Variants in NOL4L observed in about 807,000 individuals in gnomAD.
NOL4L encodes the protein nucleolar protein 4-like.
Under a neutral mutation model 64.5 loss-of-function variants are expected in NOL4L, and 7 were observed. That is an observed-to-expected ratio of 0.11 (90% CI 0.06 to 0.20). NOL4L has a LOEUF of 0.20. Among genes scored for constraint, NOL4L ranks in the 10% least tolerant of loss-of-function variants. The pLI, the probability that NOL4L is intolerant of heterozygous loss-of-function variation, is 1.00. For synonymous variants in NOL4L, 413 were observed against 401.0 expected, an observed-to-expected ratio of 1.03 and a Z score of -0.36; for missense variants, 680 against 967.1, an observed-to-expected ratio of 0.70 and a Z score of 3.94.
chr20:32,516,404 C>A (rs1435190346), intron 3 of NOL4L, among the ~76,000 whole-genome samples: 2 of 152,074 alleles, frequency 1.3e-5, no homozygotes, highest in African/African-American at 2.4e-5. Flanking sequence ...GGTGCAGTCC[C>A]CAGGCTCAGG....
intron 4 of NOL4L, among the ~76,000 whole-genome samples, chr20:32,478,242 TACAC>T (rs553898145): frequency 0.024 from 3,461 of 145,124 alleles, 113 homozygotes; most frequent in African/African-American, 0.085. Context: ...AGGCTATATT[TACAC>T]ACACACACAC....
chr20:32,527,436 G>A (rs1036847888), intron 2 of NOL4L, among the ~76,000 whole-genome samples: 4 of 152,152 alleles, frequency 2.6e-5, no homozygotes, highest in Non-Finnish European at 5.9e-5. Flanking sequence ...GGCTGCAAGG[G>A]GCTGGGGGTG....
chr20:32,572,070 G>A (rs1215630931), intron 1 of NOL4L, among the ~76,000 whole-genome samples: 1 of 152,202 alleles, frequency 6.6e-6, no homozygotes, highest in Non-Finnish European at 1.5e-5. Flanking sequence ...TCCAAGACCA[G>A]GTAACACCAC....
intron 3 of NOL4L, among the ~76,000 whole-genome samples, chr20:32,518,823 G>A (rs118074910): frequency 2.1e-3 from 313 of 152,346 alleles, no homozygotes; most frequent in Non-Finnish European, 3.1e-3. Flanking sequence ...CCCATCTGCA[G>A]GTACCAAATG....
chr20:32,503,351 TAG>T (rs2017001945), intron 4 of NOL4L, among the ~76,000 whole-genome samples: 1 of 151,950 alleles, frequency 6.6e-6, no homozygotes, highest in Non-Finnish European at 1.5e-5. Context: ...GAGGAGGTAA[TAG>T]ATGGAGCAAA....
intron 4 of NOL4L, chr20:32,475,084 T>C (rs1339505678): frequency 1.0e-6 from 1 of 985,330 alleles, no homozygotes; most frequent in East Asian, 1.1e-4. Flanking sequence ...TGCCGCTCCC[T>C]GCTCTCAGCC....
In NOL4L at chr20:32,453,346, G is replaced by A. The variant is rs2013128454; in HGVS notation, c.1455C>T (p.Tyr485=). ...QERARKRIRT[Y]LKSCRRMKKN... is the part of the protein sequence containing the mutation. The stretch of plus-strand genomic sequence containing the variant: ...TCTTCATGCGACGGCAGGACTTGAG[G>A]TACGTGCGGATGCGCTTGCGGGCCC... The change falls in exon 8 of 11, where the codon TAC becomes TAT. Residue 485 remains tyrosine (Y), a synonymous_variant. Transcript: ENST00000621426. The surrounding 1 kb of genome is among the most constrained non-coding windows in gnomAD (Gnocchi z 5.6). 1 of 1,613,998 alleles carries A rather than the reference G, an allele frequency of 6.2e-7. No individual in the cohort carries two copies. Among genetic ancestry groups the A allele is most frequent in the Non-Finnish European group, 8.5e-7 (1 of 1,180,004 alleles).
chr20:32,465,489 G>A (rs889084666), intron 5 of NOL4L, among the ~76,000 whole-genome samples: 2 of 152,220 alleles, frequency 1.3e-5, no homozygotes, highest in African/African-American at 2.4e-5. Flanking sequence ...CCGGGGAAGC[G>A]CTCCCAGGAT....
intron 1 of NOL4L, among the ~76,000 whole-genome samples, chr20:32,583,399 C>T (rs1980623498): frequency 6.7e-6 from 1 of 149,284 alleles, no homozygotes; most frequent in African/African-American, 2.4e-5. Context: ...GAGCCCGCTC[C>T]GGCCGGGGAC....
At chr20:32,517,133 C>T (rs931094409) in intron 3 of NOL4L, among the ~76,000 whole-genome samples, 4 of 152,232 alleles carry the variant, frequency 2.6e-5, no homozygotes, top group East Asian at 3.9e-4. Flanking sequence ...GGGGAGGGCA[C>T]GGGGCTGTCC....
chr20:32,453,076 C>G lies in NOL4L; in HGVS notation c.1498-70G>C. On this transcript the variant is annotated intron_variant, in intron 8 of 10. Transcript: ENST00000621426. This position sits in a 1 kb window ranked among gnomAD's most constrained non-coding sequence, Gnocchi z 5.6. The stretch of plus-strand genomic sequence containing the variant: ...CCCTGGGCTTGTGCAGAGACCCTGC[C>G]CCAGGGGTGGGTGGCACAGGGTGGG... 1.3e-6 allele frequency: 2 copies of G among 1,593,316 alleles called. No homozygotes were observed. The highest frequency in any genetic ancestry group is 2.2e-5 in the South Asian group (2 of 90,316).
At chr20:32,579,558 G>T (rs1002726304) in intron 1 of NOL4L, among the ~76,000 whole-genome samples, 3 of 152,026 alleles carry the variant, frequency 2.0e-5, no homozygotes, top group African/African-American at 7.2e-5. Context: ...AGACGTGCAG[G>T]GACGACAAAG....
At chr20:32,458,652 C>A (rs1287137622) in intron 5 of NOL4L, among the ~76,000 whole-genome samples, 1 of 152,240 alleles carries the variant, frequency 6.6e-6, no homozygotes, top group Non-Finnish European at 1.5e-5. Context: ...ACCGACACCA[C>A]CCTCACAGGC....
intron 4 of NOL4L, among the ~76,000 whole-genome samples, chr20:32,501,517 C>T (rs908786706): frequency 2.6e-5 from 4 of 152,126 alleles, no homozygotes; most frequent in African/African-American, 7.2e-5. Context: ...ACTTTACTTA[C>T]AATAATGTAT....
chr20:32,575,460 G>C (rs1243442650), intron 1 of NOL4L, among the ~76,000 whole-genome samples: 1 of 152,224 alleles, frequency 6.6e-6, no homozygotes, highest in African/African-American at 2.4e-5. Flanking sequence ...TGGACTTCAA[G>C]GTCCAGGTGA....
intron 2 of NOL4L, among the ~76,000 whole-genome samples, chr20:32,522,889 C>T (rs2017995304): frequency 6.6e-6 from 1 of 152,152 alleles, no homozygotes; most frequent in Non-Finnish European, 1.5e-5. Context: ...GGGCCAGGTC[C>T]CTACCATGAG....
chr20:32,488,863 CTTTCTTTCTTTCTTTCT>C (rs1568649377), intron 4 of NOL4L, among the ~76,000 whole-genome samples: 2,732 of 81,424 alleles, frequency 0.034, 133 homozygotes, highest in African/African-American at 0.091. Flanking sequence ...TTCTTTCTTT[CTTTCTTTCTTTCTTTCT>C]TTCTTTCTTT....
intron 3 of NOL4L, among the ~76,000 whole-genome samples, chr20:32,516,450 G>A (rs1225604191): frequency 4.6e-5 from 7 of 152,142 alleles, no homozygotes; most frequent in Non-Finnish European, 1.0e-4. Flanking sequence ...TGCGACAGAC[G>A]TGAGGCCATT....
chr20:32,510,087 C>G, intron 4 of NOL4L: 1 of 576,160 alleles, frequency 1.7e-6, no homozygotes, highest in Non-Finnish European at 2.8e-6. Context: ...AACTACTTTG[C>G]CTTTGTGCGT....
Sources: gnomAD v4.1 joint callset for allele counts (sites outside exome capture counted in the v4.1 genomes callset) on GRCh38, gnomAD v4.1.1 for gene constraint, Gnocchi (gnomAD v3.1) non-coding constraint, MANE v1.5 for transcripts, NCBI Gene and HGNC (gene_info 2026-07-23, HGNC 2026-07-21) for gene names.